BRDT: variants seen among roughly 807,000 people sequenced by gnomAD.
The protein encoded by BRDT is bromodomain testis associated, also known as bromodomain testis-specific protein.
BRDT carries 77 observed loss-of-function variants against 113.9 expected under a neutral mutation model. The ratio of observed to expected loss-of-function variants is 0.68; its 90% CI spans 0.56 to 0.82. BRDT has a LOEUF of 0.82. BRDT is among the 40% of genes least tolerant of loss of function. The pLI, the probability that BRDT is intolerant of heterozygous loss-of-function variation, is 0.00. For missense variants in BRDT, 1,027 were observed against 1,105.4 expected, an observed-to-expected ratio of 0.93 and a Z score of 1.01; for synonymous variants, 358 against 366.5, an observed-to-expected ratio of 0.98 and a Z score of 0.26.
intron 18 of BRDT, among the ~76,000 whole-genome samples, chr1:92,006,715 C>T (rs1395116995): frequency 6.6e-6 from 1 of 152,116 alleles, no homozygotes; most frequent in Non-Finnish European, 1.5e-5. Context: ...CAATCGCCTG[C>T]CTCGGCCTCC....
chr1:91,980,665 T>C lies in BRDT; in HGVS notation c.1310T>C (p.Leu437Pro). 6.3e-7 allele frequency: 1 copy of C among 1,585,650 alleles called. No individual in the cohort carries two copies. Among genetic ancestry groups the C allele is most frequent in the Non-Finnish European group, 8.5e-7 (1 of 1,173,240 alleles). ...QEQLKAVHQQ[L>P]QVLSQVPFRK... ...CAGCTTAAAGCTGTACATCAACAGC[T>C]CCAGGTTTTGTCCCAAGTACCTTTC... Residue 437 changes from leucine to proline, a missense_variant, in exon 9 of 19, where the codon CTC becomes CCC. Physicochemically the swap from Leu to Pro is moderately conservative, Grantham distance 98. Coordinates refer to ENST00000399546, the MANE Select transcript of BRDT (RefSeq NM_207189.4).
chr1:91,980,414 G>A (rs1219637376), intron 8 of BRDT, among the ~76,000 whole-genome samples: 6 of 152,142 alleles, frequency 3.9e-5, no homozygotes, highest in African/African-American at 1.2e-4. Flanking sequence ...TGATCTGTTG[G>A]TAGTTGAATA....
At chr1:91,983,728 G>A (rs952438944) in intron 12 of BRDT, among the ~76,000 whole-genome samples, 6 of 148,860 alleles carry the variant, frequency 4.0e-5, no homozygotes, top group Non-Finnish European at 5.9e-5. Context: ...TCACTCTGTC[G>A]CCCAGGCTGG....
In BRDT at chr1:91,980,634, T is replaced by C. The variant is rs767464752; in HGVS notation, c.1288-9T>C. On this transcript the variant is annotated splice_polypyrimidine_tract_variant and intron_variant, in intron 8 of 18. Transcript: ENST00000399546. ...CATGAATGTTTACAGATTTTTTTTC[T>C]TTTATCAGCTTAAAGCTGTACATCA... 11 of 1,450,338 alleles carry C rather than the reference T, an allele frequency of 7.6e-6. No homozygotes were observed. Among genetic ancestry groups the C allele is most frequent in the East Asian group, 7.5e-5 (3 of 40,184 alleles). 89.8% of individuals were successfully genotyped at this position (1,450,338 alleles called of 1,614,324 possible).
intron 1 of BRDT, among the ~76,000 whole-genome samples, chr1:91,960,629 T>C (rs751418916): frequency 6.6e-6 from 1 of 152,126 alleles, no homozygotes; most frequent in African/African-American, 2.4e-5. Context: ...ACAAAAAACA[T>C]GAATATACTT....
intron 12 of BRDT, among the ~76,000 whole-genome samples, chr1:91,985,863 C>T (rs929212384): frequency 2.0e-5 from 3 of 151,900 alleles, no homozygotes; most frequent in Non-Finnish European, 4.4e-5. Context: ...TGGTCTCGAT[C>T]TCCTGACCTC....
intron 1 of BRDT, chr1:91,952,208 A>G (rs1442425925): frequency 6.6e-6 from 1 of 152,224 alleles, no homozygotes; most frequent in East Asian, 1.9e-4. Flanking sequence ...TGTTCCTGGG[A>G]GGTCAAGTTA....
chr1:92,004,364 A>G (rs771482983), intron 16 of BRDT, 50 bp from the exon 17 acceptor site: 1 of 1,378,676 alleles, frequency 7.3e-7, no homozygotes, highest in Admixed American at 2.5e-5. Context: ...CTTCCTTCCA[A>G]AATTTGGTTA....
intron 15 of BRDT, among the ~76,000 whole-genome samples, chr1:92,000,995 G>A (rs996662595): frequency 6.6e-6 from 1 of 152,180 alleles, no homozygotes; most frequent in Admixed American, 6.5e-5. Context: ...TCACCTCAGA[G>A]TCAGACTTAC....
At chr1:92,003,318 A>T (rs1226544763) in intron 16 of BRDT, among the ~76,000 whole-genome samples, 5 of 152,184 alleles carry the variant, frequency 3.3e-5, no homozygotes, top group Non-Finnish European at 7.3e-5. Context: ...TATTTCATGG[A>T]AATACATCAA....
Position 91,979,733 on chromosome 1 carries a change from G to C in BRDT, c.1263G>C (p.Lys421Asn). The C allele has an allele frequency of 6.2e-7, 1 of 1,610,154 alleles. No individual in the cohort carries two copies. Among genetic ancestry groups the C allele is most frequent in the African/African-American group, 1.3e-5 (1 of 74,818 alleles). The change falls in exon 8 of 19, where the codon AAG (lysine) becomes AAC (asparagine). Residue 421 changes from lysine to asparagine, a missense_variant. Physicochemically the swap from Lys to Asn is moderately conservative, Grantham distance 94. Transcript: ENST00000399546. ...ATGATTCTGAAGATGAGCGAGTTAAGCGTCTTGCAAAGCTTCAGGAGCAGG... is the reference window on the plus strand; with the variant it reads ...ATGATTCTGAAGATGAGCGAGTTAACCGTCTTGCAAAGCTTCAGGAGCAGG... ...SSDDSEDERV[K>N]RLAKLQEQLK...
chr1:92,002,205 G>T (rs529256685), intron 16 of BRDT, 56 bp downstream of exon 16: 1 of 1,280,926 alleles, frequency 7.8e-7, no homozygotes, highest in East Asian at 2.4e-5. Flanking sequence ...ATTGGGTTTG[G>T]AAGTGGTACA....
intron 1 of BRDT, among the ~76,000 whole-genome samples, chr1:91,958,214 CTTTTTTTTTT>C (rs35049237): frequency 4.7e-5 from 6 of 127,344 alleles, no homozygotes; most frequent in Admixed American, 8.8e-5. Flanking sequence ...AACTCATGCC[CTTTTTTTTTT>C]TTTTTTTTTT....
chr1:91,976,519 C>T (rs904226000), intron 5 of BRDT, 81 bp downstream of exon 5: 26 of 1,300,846 alleles, frequency 2.0e-5, no homozygotes, highest in Non-Finnish European at 2.1e-5. Flanking sequence ...TAGTCTTCAG[C>T]GTCTAGCAAT....
intron 1 of BRDT, among the ~76,000 whole-genome samples, chr1:91,957,880 T>C (rs565040371): frequency 6.6e-6 from 1 of 152,196 alleles, no homozygotes; most frequent in Non-Finnish European, 1.5e-5. Context: ...TCTTGCTGTG[T>C]CACCCAGGCT....
At chr1:91,957,711 G>C (rs1027871601) in intron 1 of BRDT, 3 of 152,068 alleles carry the variant, frequency 2.0e-5, no homozygotes, top group African/African-American at 7.2e-5. Flanking sequence ...TGGATCTACC[G>C]TTATACTATC....
At position 91,952,858 on chromosome 1, in the gene BRDT, G is replaced by C. The variant is rs553679651; in HGVS notation, c.-38+3176G>C. 4.6e-5 allele frequency among the ~76,000 whole-genome samples: 7 copies of C among 150,690 alleles called. No homozygotes were observed. In the South Asian group the frequency reaches 1.5e-3, roughly 32 times the overall value. On this transcript the variant is annotated intron_variant, in intron 1 of 18. Transcript: ENST00000399546. ...GTGTTATCTAGAGTCCCTGGGAAAA[G>C]AGTTCTAGATAGAAAAAGTGCCTCA...
At chr1:91,995,447 G>A (rs1686221752) in intron 15 of BRDT, among the ~76,000 whole-genome samples, 1 of 43,362 alleles carries the variant, frequency 2.3e-5, no homozygotes, top group African/African-American at 5.5e-5. Context: ...GTGTGTGTGT[G>A]TGTGTGTGTG....
intron 4 of BRDT, among the ~76,000 whole-genome samples, chr1:91,969,314 G>A (rs1426327546): frequency 1.3e-5 from 2 of 149,300 alleles, no homozygotes; most frequent in Non-Finnish European, 3.0e-5. Context: ...TAGGAGGCTT[G>A]TAATAGGTTC....
Sources: allele counts gnomAD v4.1 joint callset (sites outside exome capture counted in the v4.1 genomes callset), GRCh38; gene constraint gnomAD v4.1.1; transcripts MANE v1.5; gene names NCBI Gene and HGNC (gene_info 2026-07-23, HGNC 2026-07-21).